Variants in IGSF21 observed in about 807,000 individuals in gnomAD.
IGSF21 encodes immunoglobulin superfamily member 21.
IGSF21 carries 28 observed loss-of-function variants against 46.8 expected under a neutral mutation model. That is an observed-to-expected ratio of 0.60 (90% CI 0.44 to 0.82). The LOEUF is 0.82. Among genes scored for constraint, IGSF21 ranks in the 40% least tolerant of loss-of-function variants. IGSF21 has a pLI of 0.00. For missense variants in IGSF21, 624 were observed against 665.5 expected (o/e 0.94, Z 0.69); for synonymous variants, 284 against 273.6 (o/e 1.04, Z -0.38).
At chr1:18,188,596 G>A (rs1316392540) in intron 1 of IGSF21, among the ~76,000 whole-genome samples, 4 of 152,154 alleles carry the variant, frequency 2.6e-5, no homozygotes, top group African/African-American at 9.7e-5. Context: ...GAAGGGATGG[G>A]GACAGACCTG....
At position 18,335,071 on chromosome 1, in the gene IGSF21, G is replaced by GCGCACATTCACACAC; in HGVS notation, c.424+61_424+62insCGCACATTCACACAC. 1 of 1,323,014 alleles carries GCGCACATTCACACAC rather than the reference G, an allele frequency of 7.6e-7. No individual in the cohort carries two copies. Among genetic ancestry groups the GCGCACATTCACACAC allele is most frequent in the Non-Finnish European group, 1.1e-6 (1 of 916,252 alleles). 82.0% of individuals were successfully genotyped at this position (1,323,014 alleles called of 1,614,324 possible). A position where few individuals can be genotyped will look rare whatever the true frequency, so the allele number is the denominator to read the frequency against. On this transcript the variant is annotated intron_variant, in intron 4 of 9. Transcript: ENST00000251296. The surrounding 1 kb of genome is among the most constrained non-coding windows in gnomAD (Gnocchi z 4.8). ...GAGGAGGACGAGTATGCTTGAGTGTGTGAATGTGCGCACAGAGTGGCCATC... is the reference window on the plus strand; with the variant it reads ...GAGGAGGACGAGTATGCTTGAGTGTGCGCACATTCACACACTGAATGTGCGCACAGAGTGGCCATC...
In IGSF21 at chr1:18,348,740, G is replaced by C. The variant is rs184642631; in HGVS notation, c.425-13375G>C. 7.9e-5 allele frequency among the ~76,000 whole-genome samples: 12 copies of C among 152,332 alleles called. No individual in the cohort carries two copies. The East Asian group carries it at 2.1e-3, about 27-fold the overall frequency. On this transcript the variant is annotated intron_variant, in intron 4 of 9. Transcript: ENST00000251296. ...CTGCTCACAGGCACTCTTAGGGAGA[G>C]AGAGGTGATCCTACTGCCTCAGGTA...
chr1:18,291,937 C>T lies in IGSF21; in HGVS notation c.255C>T (p.His85=). ...FDAMFSTNYS[H]MENYRKREDL... ...CCATGTTCTCCACCAACTACTCACACATGGAGAACTACCGCAAGCGAGAGG... is the reference window on the plus strand; with the variant it reads ...CCATGTTCTCCACCAACTACTCACATATGGAGAACTACCGCAAGCGAGAGG... The change falls in exon 3 of 10, where the codon CAC becomes CAT. Residue 85 remains histidine, a synonymous_variant. Transcript: ENST00000251296. 2 of 1,614,010 alleles carry T rather than the reference C, an allele frequency of 1.2e-6. No individual in the cohort carries two copies. The highest frequency in any genetic ancestry group is 1.7e-6 in the Non-Finnish European group (2 of 1,179,968).
chr1:18,166,681 G>C (rs948416363), intron 1 of IGSF21, among the ~76,000 whole-genome samples: 1 of 152,166 alleles, frequency 6.6e-6, no homozygotes, highest in African/African-American at 2.4e-5. Context: ...GAGGGGAAGG[G>C]GGATGCAGAG....
intron 1 of IGSF21, among the ~76,000 whole-genome samples, chr1:18,134,585 C>T (rs1353617197): frequency 2.0e-5 from 3 of 152,220 alleles, no homozygotes; most frequent in African/African-American, 4.8e-5. Context: ...TTTGGACAAA[C>T]ATCTCTGGGC....
intron 1 of IGSF21, among the ~76,000 whole-genome samples, chr1:18,220,859 G>T (rs760186796): frequency 2.6e-4 from 39 of 152,256 alleles, no homozygotes; most frequent in South Asian, 1.0e-3. Flanking sequence ...GAGGCAGCAG[G>T]CCCTGGATGA....
intron 3 of IGSF21, among the ~76,000 whole-genome samples, chr1:18,329,158 G>T (rs963523593): frequency 6.8e-6 from 1 of 148,092 alleles, no homozygotes; most frequent in African/African-American, 2.6e-5. Flanking sequence ...GTGGGGGAGA[G>T]CATTCATGGG....
intron 9 of IGSF21, 28 bp downstream of exon 9, chr1:18,377,459 C>A (rs751271810): frequency 6.9e-5 from 111 of 1,600,414 alleles, no homozygotes; most frequent in Non-Finnish European, 9.4e-5. Flanking sequence ...GGATTTTTTG[C>A]TTAAAAGGGA....
At chr1:18,368,370 G>A (rs1184702303) in intron 6 of IGSF21, among the ~76,000 whole-genome samples, 2 of 151,730 alleles carry the variant, frequency 1.3e-5, no homozygotes, top group Admixed American at 6.6e-5. Context: ...ACTTAGCTGG[G>A]CTTGGTGGTG....
intron 1 of IGSF21, among the ~76,000 whole-genome samples, chr1:18,171,737 C>G (rs1213010295): frequency 6.6e-6 from 1 of 152,260 alleles, no homozygotes; most frequent in Non-Finnish European, 1.5e-5. Flanking sequence ...AGCAACCATT[C>G]TCTTCTAGCA....
At chr1:18,247,190 G>C (rs1346840764) in intron 2 of IGSF21, among the ~76,000 whole-genome samples, 3 of 149,492 alleles carry the variant, frequency 2.0e-5, no homozygotes, top group African/African-American at 5.1e-5. Flanking sequence ...TTGTTCCCTT[G>C]AGATGGTCAG....
At chr1:18,362,807 G>C (rs1418218761) in intron 5 of IGSF21, among the ~76,000 whole-genome samples, 2 of 152,170 alleles carry the variant, frequency 1.3e-5, no homozygotes, top group Non-Finnish European at 2.9e-5. Flanking sequence ...TTTGATATTT[G>C]TCAGTGCAGT....
rs181868651 is a variant in IGSF21, at chr1:18,199,898, C to G, written c.71-28000C>G. ...ACTAGGGAAGCTGCTCCCGGCCCCC[C>G]CCTACCCCCGTGAGAATCCATCCCT... On this transcript the variant is annotated intron_variant, in intron 1 of 9. Transcript: ENST00000251296. Among the ~76,000 whole-genome samples the G allele has an allele frequency of 5.4e-3, 796 of 147,064 alleles. 6 individuals carry two copies. Among genetic ancestry groups the G allele is most frequent in the African/African-American group, 0.018 (750 of 41,036 alleles).
At chr1:18,354,421 A>G (rs1557657266) in intron 4 of IGSF21, among the ~76,000 whole-genome samples, 1 of 152,150 alleles carries the variant, frequency 6.6e-6, no homozygotes, top group Non-Finnish European at 1.5e-5. Flanking sequence ...AAAAAAAAAG[A>G]AAGAAATTAA....
At chr1:18,314,268 A>G (rs926227656) in intron 3 of IGSF21, among the ~76,000 whole-genome samples, 2 of 149,100 alleles carry the variant, frequency 1.3e-5, no homozygotes, top group African/African-American at 4.9e-5. Flanking sequence ...TGCCTTCCTC[A>G]TAAGCATAGC....
intron 2 of IGSF21, among the ~76,000 whole-genome samples, chr1:18,280,406 T>C (rs1327301123): frequency 6.6e-6 from 1 of 152,180 alleles, no homozygotes; most frequent in East Asian, 1.9e-4. Context: ...CCAATGGAGC[T>C]GATCACTCTC....
chr1:18,319,281 A>T (rs1358059829), intron 3 of IGSF21, among the ~76,000 whole-genome samples: 1 of 152,230 alleles, frequency 6.6e-6, no homozygotes, highest in Admixed American at 6.5e-5. Flanking sequence ...CAGGAAGAAA[A>T]AAAGGACACA....
At chr1:18,165,291 G>T (rs573904349) in intron 1 of IGSF21, among the ~76,000 whole-genome samples, 1 of 152,170 alleles carries the variant, frequency 6.6e-6, no homozygotes, top group Non-Finnish European at 1.5e-5. Flanking sequence ...TGCTGGCAGC[G>T]TTGGTTTCTT....
chr1:18,265,545 G>T (rs1224180140), intron 2 of IGSF21, among the ~76,000 whole-genome samples: 2 of 152,174 alleles, frequency 1.3e-5, no homozygotes, highest in African/African-American at 4.8e-5. Flanking sequence ...GGGTACACCT[G>T]CATCCTTGGG....
Sources: allele counts gnomAD v4.1 joint callset (sites outside exome capture counted in the v4.1 genomes callset), GRCh38; gene constraint gnomAD v4.1.1; non-coding constraint Gnocchi (gnomAD v3.1); transcripts MANE v1.5; gene names NCBI Gene and HGNC (gene_info 2026-07-23, HGNC 2026-07-21).